Variants in MTMR2 observed in about 807,000 individuals in gnomAD.
The protein encoded by MTMR2 is myotubularin related protein 2.
In MTMR2, 55 loss-of-function variants were observed where a neutral mutation model predicts 86.9. The observed-to-expected ratio is 0.63, with a 90% confidence interval of 0.51 to 0.79. MTMR2 has a LOEUF of 0.79. Among genes scored for constraint, MTMR2 ranks in the 30% least tolerant of loss-of-function variants. The pLI is 0.00. For missense variants in MTMR2, 659 were observed against 772.3 expected (o/e 0.85, Z 1.74); for synonymous variants, 241 against 266.8 (o/e 0.90, Z 0.94).
intron 1 of MTMR2, among the ~76,000 whole-genome samples, chr11:95,901,632 A>G (rs749265383): frequency 1.4e-4 from 22 of 152,188 alleles, no homozygotes; most frequent in Admixed American, 3.3e-4. Flanking sequence ...CCTTTTGACT[A>G]ACTCATATTG....
intron 1 of MTMR2, among the ~76,000 whole-genome samples, chr11:95,898,869 A>C (rs1204922628): frequency 6.6e-6 from 1 of 152,156 alleles, no homozygotes; most frequent in East Asian, 1.9e-4. Context: ...CACTAAGCAA[A>C]GGAACAGCAT....
chr11:95,845,459 ATCTGTT>A (rs1204428371), intron 10 of MTMR2, among the ~76,000 whole-genome samples: 1 of 152,178 alleles, frequency 6.6e-6, no homozygotes, highest in African/African-American at 2.4e-5. Context: ...TTCTAAAGAG[ATCTGTT>A]TCTAAGAATC....
intron 1 of MTMR2, chr11:95,912,966 C>A (rs1866565296): frequency 6.6e-6 from 1 of 152,120 alleles, no homozygotes; most frequent in Non-Finnish European, 1.5e-5. Flanking sequence ...GAAATCAGAT[C>A]CTCATTTTCG....
intron 1 of MTMR2, chr11:95,913,146 A>AT (rs939649298): frequency 6.6e-6 from 1 of 152,038 alleles, no homozygotes; most frequent in Non-Finnish European, 1.5e-5. Flanking sequence ...ATGTCCTCTT[A>AT]TTTTTTTCAG....
chr11:95,879,235 G>T (rs184034745), intron 2 of MTMR2, among the ~76,000 whole-genome samples: 13 of 152,298 alleles, frequency 8.5e-5, no homozygotes, highest in African/African-American at 3.1e-4. Context: ...GAATGTGGAA[G>T]AAAGAGAGTG....
At chr11:95,921,145 A>G (rs1048325383) in intron 1 of MTMR2, among the ~76,000 whole-genome samples, 2 of 152,234 alleles carry the variant, frequency 1.3e-5, no homozygotes, top group East Asian at 1.9e-4. Context: ...TATAGTTACC[A>G]CTTACTAACA....
Position 95,847,797 on chromosome 11 carries a change from G to A in MTMR2, c.1096C>T (p.Leu366Phe). The change falls in exon 10 of 15, where the codon CTT (leucine) becomes TTT (phenylalanine). Residue 366 changes from leucine to phenylalanine, a missense_variant. By Grantham distance (22) the Leu-to-Phe change is conservative (BLOSUM62 0). Transcript: ENST00000346299. ...IHVMRESLRK[L>F]KEIVYPNIEE... ...ATGTTGGGGTACACAATCTCCTTAA[G>A]TTTTCGTAATGATTCTCTCATAACA... is the stretch of plus-strand genomic sequence containing the variant. The A allele has an allele frequency of 6.2e-7, 1 of 1,613,688 alleles. No individual in the cohort carries two copies. The highest frequency in any genetic ancestry group is 8.5e-7 in the Non-Finnish European group (1 of 1,179,696).
At chr11:95,913,705 G>A (rs1334904313) in intron 1 of MTMR2, among the ~76,000 whole-genome samples, 1 of 151,968 alleles carries the variant, frequency 6.6e-6, no homozygotes, top group Non-Finnish European at 1.5e-5. Context: ...AGTGTGTAAG[G>A]CACAGTAGAT....
intron 1 of MTMR2, among the ~76,000 whole-genome samples, chr11:95,904,644 T>A (rs1215504114): frequency 6.6e-5 from 10 of 152,244 alleles, no homozygotes; most frequent in Admixed American, 5.9e-4. Context: ...ACCATGGCAA[T>A]CATGAATAAT....
chr11:95,915,659 C>G (rs1253810952), intron 1 of MTMR2, among the ~76,000 whole-genome samples: 1 of 152,010 alleles, frequency 6.6e-6, no homozygotes, highest in East Asian at 1.9e-4. Context: ...TTATGGAAAC[C>G]ACATCCTTAC....
chr11:95,889,453 C>T (rs898054567), intron 1 of MTMR2, among the ~76,000 whole-genome samples: 5 of 145,468 alleles, frequency 3.4e-5, no homozygotes, highest in South Asian at 2.2e-4. Context: ...TACCTGATCA[C>T]GCTTTTATTG....
intron 7 of MTMR2, among the ~76,000 whole-genome samples, chr11:95,851,751 G>C (rs1864031070): frequency 1.3e-5 from 2 of 152,122 alleles, no homozygotes; most frequent in Non-Finnish European, 2.9e-5. Flanking sequence ...GCTTACATAC[G>C]TAAAGTACAT....
chr11:95,858,913 TA>T (rs1374547757), intron 5 of MTMR2, among the ~76,000 whole-genome samples: 1 of 152,188 alleles, frequency 6.6e-6, no homozygotes, highest in Non-Finnish European at 1.5e-5. Context: ...GTATTTGATG[TA>T]ACCACTGGAG....
rs761834257 is a variant in MTMR2, at chr11:95,923,959, C to T, written c.-5G>A. ...GCAGCTCGAGCTCTTCTCCATCGCG[C>T]GGCAGGGGCAGCACAGGGAAAGGCT... On this transcript the variant is annotated 5_prime_UTR_variant, in exon 1 of 15. Coordinates refer to ENST00000346299, the MANE Select transcript of MTMR2 (RefSeq NM_016156.6). The T allele has an allele frequency of 1.9e-6, 3 of 1,556,922 alleles. No individual in the cohort carries two copies. The highest frequency in any genetic ancestry group is 3.8e-5 in the Admixed American group (2 of 51,972).
At chr11:95,837,193 C>G (rs965915063) in intron 13 of MTMR2, among the ~76,000 whole-genome samples, 15 of 151,896 alleles carry the variant, frequency 9.9e-5, no homozygotes, top group African/African-American at 3.6e-4. Context: ...TTAATACCTG[C>G]CTTTAAGGAA....
At chr11:95,868,323 A>C (rs112271899) in intron 2 of MTMR2, among the ~76,000 whole-genome samples, 4,312 of 150,218 alleles carry the variant, frequency 0.029, 110 homozygotes, top group South Asian at 0.071. Context: ...AAAAAGAAAA[A>C]AAAGAAATAG....
chr11:95,861,429 A>ATTATT (rs1167023025), intron 5 of MTMR2, among the ~76,000 whole-genome samples: 2 of 147,590 alleles, frequency 1.4e-5, no homozygotes, highest in Admixed American at 1.4e-4. Flanking sequence ...TATTATTATT[A>ATTATT]TTATTATTAT....
intron 1 of MTMR2, chr11:95,907,850 G>A (rs568631117): frequency 2.0e-5 from 9 of 440,512 alleles, no homozygotes; most frequent in South Asian, 1.5e-4. Context: ...ACTAGGCATT[G>A]AAGGAACATA....
Position 95,835,102 on chromosome 11 carries a change from T to C in MTMR2, c.*188A>G, listed in dbSNP as rs1863201146. On this transcript the variant is annotated 3_prime_UTR_variant, in exon 15 of 15. Transcript: ENST00000346299. ...TTAGTATCATAATCATGTAATTACA[T>C]ATGGAGTTACTTCACTTAAGCCACC... 3.3e-6 allele frequency: 2 copies of C among 612,456 alleles called. No homozygotes were observed. Among genetic ancestry groups the C allele is most frequent in the African/African-American group, 3.7e-5 (2 of 53,954 alleles). The allele number at this position is 612,456 out of a possible 1,614,324, so 37.9% of individuals were successfully genotyped here. A position where few individuals can be genotyped will look rare whatever the true frequency, so the allele number is the denominator to read the frequency against.
Sources: allele counts gnomAD v4.1 joint callset (sites outside exome capture counted in the v4.1 genomes callset), GRCh38; gene constraint gnomAD v4.1.1; transcripts MANE v1.5; gene names NCBI Gene and HGNC (gene_info 2026-07-23, HGNC 2026-07-21).